Variants in VWF observed in about 807,000 individuals in gnomAD.
VWF encodes Factor VIII related antigen.
A neutral mutation model predicts 308.6 loss-of-function variants in VWF; 176 were observed. The observed-to-expected ratio is 0.57, with a 90% CI of 0.50 to 0.65. The LOEUF (loss-of-function observed/expected upper bound fraction) is 0.65, where lower values mean the gene tolerates loss of function less well. Among genes scored for constraint, VWF ranks in the 30% least tolerant of loss-of-function variants. VWF has a pLI of 0.00. For synonymous variants in VWF, 1,385 were observed against 1,443.4 expected, an observed-to-expected ratio of 0.96 and a Z score of 0.92; for missense variants, 3,146 against 3,648.2, an observed-to-expected ratio of 0.86 and a Z score of 3.55.
chr12:5,983,253 C>A lies in VWF; in HGVS notation c.6978G>T (p.Val2326=), dbSNP rs372561152. ...ADQCCPEYEC[V]CDPVSCDLPP... is the part of the protein sequence containing the mutation. ...GCAGGTCACAGCTCACTGGGTCACA[C>A]ACTGAGGGCCAGAAAGAGAGACGTC... is the stretch of plus-strand genomic sequence containing the variant. Residue 2326 remains valine, a splice_region_variant and synonymous_variant, in exon 41 of 52, where the codon GTG becomes GTT. Transcript: ENST00000261405. 2 of 1,613,808 alleles carry A rather than the reference C, an allele frequency of 1.2e-6. No individual in the cohort carries two copies. Among genetic ancestry groups the A allele is most frequent in the Non-Finnish European group, 1.7e-6 (2 of 1,179,906 alleles).
At chr12:6,007,875 T>C (rs1192807224) in intron 34 of VWF, among the ~76,000 whole-genome samples, 2 of 152,024 alleles carry the variant, frequency 1.3e-5, no homozygotes, top group East Asian at 1.9e-4. Context: ...TTACAATTGA[T>C]AGCGCAGAAA....
intron 11 of VWF, 22 bp downstream of exon 11, chr12:6,065,115 C>G: frequency 3.1e-6 from 5 of 1,614,072 alleles, no homozygotes; most frequent in Non-Finnish European, 4.2e-6. Context: ...ACCCGACCAG[C>G]AGCCGGGCTG....
At chr12:6,097,140 A>G (rs1425406764) in intron 5 of VWF, among the ~76,000 whole-genome samples, 1 of 152,152 alleles carries the variant, frequency 6.6e-6, no homozygotes, top group Non-Finnish European at 1.5e-5. Flanking sequence ...CTGTATCCTT[A>G]TAAGAGATGG....
intron 28 of VWF, 124 bp from the exon 29 acceptor site, chr12:6,016,994 CG>C (rs1236958589): frequency 1.4e-5 from 14 of 1,028,770 alleles, no homozygotes; most frequent in Middle Eastern, 2.4e-4. Context: ...CCAAGGGGGG[CG>C]GGGGGTGCCT....
chr12:6,051,435 G>C (rs1420504893), intron 16 of VWF, among the ~76,000 whole-genome samples: 1 of 151,928 alleles, frequency 6.6e-6, no homozygotes, highest in African/African-American at 2.4e-5. Context: ...GGGACTACAG[G>C]CACCCGCTAC....
chr12:6,108,334 T>TATACACACACACACACACACAC (rs374693235), intron 5 of VWF, among the ~76,000 whole-genome samples: 9 of 124,156 alleles, frequency 7.2e-5, no homozygotes, highest in Non-Finnish European at 1.2e-4. Context: ...AAGAAATATA[T>TATACACACACACACACACACAC]ACACACACAC....
chr12:6,110,045 G>T (rs765987870), intron 5 of VWF, among the ~76,000 whole-genome samples: 1 of 152,154 alleles, frequency 6.6e-6, no homozygotes, highest in African/African-American at 2.4e-5. Flanking sequence ...GTGGAGGACC[G>T]ACCACTCCAT....
At position 6,011,791 on chromosome 12, in the gene VWF, C is replaced by T. The variant is rs746837624; in HGVS notation, c.5668G>A (p.Gly1890Arg). Residue 1890 changes from glycine (G) to arginine (R), a missense_variant, in exon 34 of 52, where the codon GGG (glycine) becomes AGG (arginine). Physicochemically the swap from Gly to Arg is moderately radical, Grantham distance 125. This residue lies in a region of VWF where 853 missense variants were observed against 1,177.8 expected (regional missense o/e 0.72). Transcript: ENST00000261405. ...TGGTCTGGCAAGGTCCAGACGTCCC[C>T]GGGCTGCAGAAGAAAACAGCAGATT... ...MDEDGNEKRP[G>R]DVWTLPDQCH... is the part of the protein sequence containing the mutation. 15 of 1,608,576 alleles carry T rather than the reference C, an allele frequency of 9.3e-6. No homozygotes were observed. The highest frequency in any genetic ancestry group is 2.7e-5 in the African/African-American group (2 of 74,678).
rs200204308 is a variant in VWF, at chr12:6,095,553, G to A, written c.564C>T (p.Ala188=). 1.2e-6 allele frequency: 2 copies of A among 1,614,194 alleles called. No individual in the cohort carries two copies. The highest frequency in any genetic ancestry group is 4.5e-5 in the East Asian group (2 of 44,886). Residue 188 remains alanine, a synonymous_variant, in exon 6 of 52, where the codon GCC becomes GCT. Coordinates refer to ENST00000261405, the MANE Select transcript of VWF (RefSeq NM_000552.5). ...CTCCACTGCTCAGAGCCCATGAGTT[G>A]GCAAAGTCATAAGGGTCCGAGGTCA... ...GTLTSDPYDF[A]NSWALSSGEQ...
In VWF at chr12:6,022,720, C is replaced by T. The variant is rs1565833400; in HGVS notation, c.3538+20G>A. Reference sequence around the variant, plus strand: ...CCTATCCCATCCCACCAGCCTGACCCCCAGGGATAGAGGCCTCACCTGGAG... The same window carrying T: ...CCTATCCCATCCCACCAGCCTGACCTCCAGGGATAGAGGCCTCACCTGGAG... On this transcript the variant is annotated intron_variant, in intron 26 of 51. Coordinates refer to ENST00000261405, the MANE Select transcript of VWF (RefSeq NM_000552.5). 2 of 433,350 alleles carry T rather than the reference C, an allele frequency of 4.6e-6. No homozygotes were observed. The allele number at this position is 433,350 out of a possible 1,614,324, so 26.8% of individuals were successfully genotyped here.
chr12:6,072,823 C>G (rs1944795984), intron 8 of VWF, among the ~76,000 whole-genome samples: 1 of 151,626 alleles, frequency 6.6e-6, no homozygotes, highest in African/African-American at 2.4e-5. Flanking sequence ...CAAGTTCTTC[C>G]AGTAGAGAAG....
intron 5 of VWF, among the ~76,000 whole-genome samples, chr12:6,104,291 A>C (rs1565391579): frequency 6.6e-6 from 1 of 152,106 alleles, no homozygotes; most frequent in Non-Finnish European, 1.5e-5. Flanking sequence ...GTTGGCAAGG[A>C]TGAGGAAAAA....
At chr12:6,054,077 T>C (rs1392650347) in intron 15 of VWF, among the ~76,000 whole-genome samples, 4 of 152,192 alleles carry the variant, frequency 2.6e-5, no homozygotes, top group African/African-American at 9.7e-5. Context: ...ATCCTTCCCC[T>C]CTCTGTTCAA....
In VWF at chr12:6,060,592, A is replaced by G. The variant is rs1183734866; in HGVS notation, c.1533+2362T>C. ...TGAGCCCCAGGAATCTGTGTAAAGA[A>G]AAAGAAAAAAGAAAAATATATATAA... On this transcript the variant is annotated intron_variant, in intron 13 of 51. Transcript: ENST00000261405. This position sits in a 1 kb window ranked among gnomAD's most constrained non-coding sequence, Gnocchi z 5.1. 6.6e-6 allele frequency among the ~76,000 whole-genome samples: 1 copy of G among 152,186 alleles called. No individual in the cohort carries two copies. Among genetic ancestry groups the G allele is most frequent in the Non-Finnish European group, 1.5e-5 (1 of 68,032 alleles).
intron 47 of VWF, among the ~76,000 whole-genome samples, chr12:5,958,633 G>A (rs1291895750): frequency 1.3e-5 from 2 of 152,114 alleles, no homozygotes; most frequent in African/African-American, 4.8e-5. Context: ...AGGCTGCAAT[G>A]AGCCATGATC....
chr12:6,052,806 G>GTAA (rs1944533773), intron 15 of VWF, 23 bp from the exon 16 acceptor site: 1 of 1,268,826 alleles, frequency 7.9e-7, no homozygotes, highest in Non-Finnish European at 1.1e-6. Flanking sequence ...GGAGAAGTAA[G>GTAA]GCCTCAGCGG....
chr12:6,052,241 C>T (rs958810561), intron 16 of VWF, among the ~76,000 whole-genome samples: 3 of 152,118 alleles, frequency 2.0e-5, no homozygotes, highest in Non-Finnish European at 4.4e-5. Flanking sequence ...CTCCCTTTTC[C>T]TGTTCCAGAA....
intron 10 of VWF, among the ~76,000 whole-genome samples, chr12:6,068,593 C>T (rs994783842): frequency 6.6e-6 from 1 of 152,110 alleles, no homozygotes; most frequent in Non-Finnish European, 1.5e-5. Context: ...CCTCAGCTTC[C>T]CGAGTAGCTG....
At chr12:6,091,830 G>C (rs1036840489) in intron 6 of VWF, among the ~76,000 whole-genome samples, 1 of 152,246 alleles carries the variant, frequency 6.6e-6, no homozygotes, top group Admixed American at 6.5e-5. Context: ...GACCCGAACA[G>C]GAAAGGGAGG....
Sources: gnomAD v4.1 joint callset for allele counts (sites outside exome capture counted in the v4.1 genomes callset) on GRCh38, gnomAD v4.1.1 for gene constraint, gnomAD v4.1.1 regional missense constraint, Gnocchi (gnomAD v3.1) non-coding constraint, MANE v1.5 for transcripts, NCBI Gene and HGNC (gene_info 2026-07-23, HGNC 2026-07-21) for gene names.